The following CNTN5 variants were observed in gnomAD, a reference collection of about 807,000 sequenced individuals.
CNTN5 encodes contactin 5.
Under a neutral mutation model 129.1 loss-of-function variants are expected in CNTN5, and 77 were observed. The ratio of observed to expected loss-of-function variants is 0.60; its 90% CI spans 0.50 to 0.72. CNTN5 has a LOEUF of 0.72. Ranked by LOEUF, CNTN5 falls within the 30% of genes least tolerant of loss-of-function variation. The probability of loss-of-function intolerance (pLI) is 0.00; values close to 1 mark genes in which losing one functional copy is unlikely to be tolerated. For synonymous variants in CNTN5, 509 were observed against 465.6 expected, an observed-to-expected ratio of 1.09 and a Z score of -1.20; for missense variants, 1,478 against 1,328.8, an observed-to-expected ratio of 1.11 and a Z score of -1.75.
chr11:100,347,485 T>C (rs1259618743), intron 23 of CNTN5, among the ~76,000 whole-genome samples: 1 of 152,064 alleles, frequency 6.6e-6, no homozygotes, highest in South Asian at 2.1e-4. Flanking sequence ...ATGCCTGAAA[T>C]TTCTCAGAAT....
intron 18 of CNTN5, among the ~76,000 whole-genome samples, chr11:100,289,608 C>T (rs1431220770): frequency 6.6e-6 from 1 of 152,024 alleles, no homozygotes; most frequent in Non-Finnish European, 1.5e-5. Context: ...TGGGACGTAT[C>T]TCAAAATAAT....
At chr11:99,174,961 T>G (rs1275183593) in intron 1 of CNTN5, among the ~76,000 whole-genome samples, 1 of 152,114 alleles carries the variant, frequency 6.6e-6, no homozygotes, top group Non-Finnish European at 1.5e-5. Flanking sequence ...AGGCCAGGCA[T>G]GGTGGCTCAT....
intron 8 of CNTN5, among the ~76,000 whole-genome samples, chr11:99,963,118 A>G (rs370034892): frequency 6.6e-6 from 1 of 152,080 alleles, no homozygotes. Flanking sequence ...TGCCTGTTCA[A>G]TCTGATGGTA....
intron 1 of CNTN5, among the ~76,000 whole-genome samples, chr11:99,174,947 T>G (rs1857700811): frequency 6.6e-6 from 1 of 152,040 alleles, no homozygotes; most frequent in Non-Finnish European, 1.5e-5. Context: ...AATCTTAGGG[T>G]TTAAGGCCAG....
rs562734242 is a variant in CNTN5 at position 100,208,744 on chromosome 11, A to G, written c.1884+15081A>G. Among the ~76,000 whole-genome samples the G allele has an allele frequency of 1.3e-3, 192 of 152,322 alleles. 2 individuals are homozygous for G. The highest frequency in any genetic ancestry group is 2.9e-4 in the Non-Finnish European group (20 of 68,030). On this transcript the variant is annotated intron_variant, in intron 15 of 24. Coordinates refer to ENST00000524871, the MANE Select transcript of CNTN5 (RefSeq NM_014361.4). ...AGAAGTCTCATTCAATCATGGCTCCAAATTTACTTTCCAGTTAGCTTTTGC... is the reference window on the plus strand; with the variant it reads ...AGAAGTCTCATTCAATCATGGCTCCGAATTTACTTTCCAGTTAGCTTTTGC...
chr11:100,142,927 G>A (rs571441995), intron 13 of CNTN5, among the ~76,000 whole-genome samples: 1 of 152,108 alleles, frequency 6.6e-6, no homozygotes, highest in South Asian at 2.1e-4. Context: ...GTGGTTGACT[G>A]TACCTAAACC....
intron 21 of CNTN5, among the ~76,000 whole-genome samples, chr11:100,338,247 G>A (rs1952077857): frequency 1.3e-5 from 2 of 152,106 alleles, no homozygotes; most frequent in Admixed American, 6.5e-5. Flanking sequence ...TTCTTAATAT[G>A]TCGTGGTAGT....
At chr11:100,132,785 A>G (rs1422278949) in intron 13 of CNTN5, among the ~76,000 whole-genome samples, 1 of 152,178 alleles carries the variant, frequency 6.6e-6, no homozygotes, top group Admixed American at 6.6e-5. Context: ...TCTAATAATC[A>G]AGACCACCAT....
chr11:99,724,445 T>A (rs1410792626), intron 3 of CNTN5, among the ~76,000 whole-genome samples: 1 of 152,182 alleles, frequency 6.6e-6, no homozygotes, highest in Non-Finnish European at 1.5e-5. Context: ...ACTACACGAT[T>A]TTCACTTGAC....
chr11:99,599,276 T>C (rs1010618571), intron 3 of CNTN5, among the ~76,000 whole-genome samples: 1 of 152,114 alleles, frequency 6.6e-6, no homozygotes, highest in African/African-American at 2.4e-5. Context: ...TAAGTTGTTT[T>C]TTTGAAAATG....
At chr11:99,441,578 T>A (rs1209528440) in intron 2 of CNTN5, among the ~76,000 whole-genome samples, 1 of 152,174 alleles carries the variant, frequency 6.6e-6, no homozygotes, top group Non-Finnish European at 1.5e-5. Flanking sequence ...AGCCTCAAAC[T>A]AGCATCTCCT....
chr11:99,637,672 G>A (rs1160056233), intron 3 of CNTN5, among the ~76,000 whole-genome samples: 2 of 151,916 alleles, frequency 1.3e-5, no homozygotes, highest in Non-Finnish European at 2.9e-5. Flanking sequence ...TTCACATAAT[G>A]TCAAAAATAG....
intron 1 of CNTN5, among the ~76,000 whole-genome samples, chr11:99,100,480 C>G (rs1187186061): frequency 1.3e-5 from 2 of 151,962 alleles, no homozygotes; most frequent in African/African-American, 4.8e-5. Flanking sequence ...GTTTTTTACT[C>G]TATATTAAAT....
intron 3 of CNTN5, among the ~76,000 whole-genome samples, chr11:99,642,365 G>T (rs538270174): frequency 6.6e-6 from 1 of 152,148 alleles, no homozygotes; most frequent in South Asian, 2.1e-4. Flanking sequence ...TATCTTTCAA[G>T]TTGGATCTCT....
At chr11:100,084,806 C>T (rs1944487245) in intron 13 of CNTN5, among the ~76,000 whole-genome samples, 1 of 152,088 alleles carries the variant, frequency 6.6e-6, no homozygotes, top group Non-Finnish European at 1.5e-5. Flanking sequence ...TTTTGTTCCT[C>T]TTTCTTTCCA....
intron 3 of CNTN5, among the ~76,000 whole-genome samples, chr11:99,650,408 C>T (rs1038225163): frequency 1.3e-5 from 2 of 151,858 alleles, no homozygotes; most frequent in South Asian, 2.1e-4. Context: ...ACATAAATAA[C>T]GCATCAGTCT....
chr11:99,861,167 C>A (rs1948195236), intron 6 of CNTN5, among the ~76,000 whole-genome samples: 1 of 151,952 alleles, frequency 6.6e-6, no homozygotes, highest in South Asian at 2.1e-4. Flanking sequence ...CTGTATTAGC[C>A]AGGATGGTCT....
intron 7 of CNTN5, among the ~76,000 whole-genome samples, chr11:99,940,681 G>T (rs532920851): frequency 6.6e-6 from 1 of 152,180 alleles, no homozygotes; most frequent in African/African-American, 2.4e-5. Context: ...GTTATGTTGT[G>T]TTTTAAAATT....
chr11:99,387,430 A>G (rs1427104216), intron 2 of CNTN5, among the ~76,000 whole-genome samples: 2 of 152,224 alleles, frequency 1.3e-5, no homozygotes, highest in Admixed American at 6.5e-5. Flanking sequence ...TGATAATTCC[A>G]CAAATCTCTT....
Sources: gnomAD v4.1 joint callset for allele counts (sites outside exome capture counted in the v4.1 genomes callset) on GRCh38, gnomAD v4.1.1 for gene constraint, MANE v1.5 for transcripts, NCBI Gene and HGNC (gene_info 2026-07-23, HGNC 2026-07-21) for gene names.